Variants in XKR5 observed in about 807,000 individuals in gnomAD.
XKR5 encodes the protein XK related 5, also known as XK-related protein 5.
A neutral mutation model predicts 40.8 loss-of-function variants in XKR5; 46 were observed. The ratio of observed to expected loss-of-function variants is 1.13; its 90% CI spans 0.89 to 1.44. The LOEUF is 1.44. Ranked by LOEUF, XKR5 falls within the 40% of genes most tolerant of loss-of-function variation. The pLI is 0.00. For missense variants in XKR5, 1,169 were observed against 844.7 expected (o/e 1.38, Z -4.76); for synonymous variants, 466 against 356.1 (o/e 1.31, Z -3.48).
rs192043044 is a variant in XKR5 at position 6,820,646 on chromosome 8, C to T, written c.807+1223G>A. On this transcript the variant is annotated intron_variant, in intron 5 of 6. Transcript: ENST00000618742. ...GGAGGCTGCTCATGCATGACCTGGG[C>T]CCTGCCACAAGTGAACCTATCTACA... Among the ~76,000 whole-genome samples, 135 of 152,294 alleles carry T rather than the reference C, an allele frequency of 8.9e-4. No homozygotes were observed. In the Middle Eastern group the frequency reaches 0.017, roughly 19 times the overall value.
chr8:6,812,448 G>A, intron 6 of XKR5, 109 bp from the exon 7 acceptor site: 2 of 1,197,998 alleles, frequency 1.7e-6, no homozygotes, highest in Non-Finnish European at 2.3e-6. Flanking sequence ...GATAATTTGG[G>A]ATCCAAAATA....
rs1406341192 is a variant in XKR5, at chr8:6,810,246, G to GAA, written c.*950_*951dup. The GAA allele has an allele frequency of 6.6e-6, 1 of 152,268 alleles. No individual in the cohort carries two copies. Among genetic ancestry groups the GAA allele is most frequent in the East Asian group, 1.9e-4 (1 of 5,208 alleles). 9.4% of individuals were successfully genotyped at this position (152,268 alleles called of 1,614,324 possible). On this transcript the variant is annotated 3_prime_UTR_variant, in exon 7 of 7. Transcript: ENST00000618742. ...AATCAGCTACAAAGGAAGGCTTAAA[G>GAA]AAATTATGGAAATACCTAGCCACAA...
intron 5 of XKR5, among the ~76,000 whole-genome samples, chr8:6,819,352 G>C (rs1158140796): frequency 6.6e-6 from 1 of 152,216 alleles, no homozygotes; most frequent in Non-Finnish European, 1.5e-5. Context: ...TGCCAGCAGG[G>C]TGCACATCTC....
chr8:6,830,136 C>G (rs2117117208), intron 2 of XKR5, among the ~76,000 whole-genome samples: 1 of 152,316 alleles, frequency 6.6e-6, no homozygotes, highest in East Asian at 1.9e-4. Context: ...CGCGCCAGGC[C>G]TCAATCCTTG....
In XKR5 at chr8:6,825,176, T is replaced by A. The variant is rs939700493; in HGVS notation, c.416A>T (p.Asp139Val). The A allele has an allele frequency of 6.2e-7, 1 of 1,613,444 alleles. No individual in the cohort carries two copies. The highest frequency in any genetic ancestry group is 1.3e-5 in the African/African-American group (1 of 74,992). ...TYVFLASDFTDIVPGVSTLFS... is the reference protein window; with the variant it reads ...TYVFLASDFTVIVPGVSTLFS... ...TGACAGTTACTCACCTGGCACAATA[T>A]CTGTGAAGTCTGAGGCTAGAAAAAC... The change falls in exon 3 of 7, where the codon GAT becomes GTT. Residue 139 changes from aspartate to valine, a missense_variant. Coordinates refer to ENST00000618742, the MANE Select transcript of XKR5 (RefSeq NM_207411.5).
At chr8:6,816,444 A>C (rs1803960541) in intron 5 of XKR5, among the ~76,000 whole-genome samples, 1 of 152,056 alleles carries the variant, frequency 6.6e-6, no homozygotes. Context: ...CAGGCTGACA[A>C]AGGAGCCTGG....
At chr8:6,824,202 A>G (rs1304300818) in intron 3 of XKR5, among the ~76,000 whole-genome samples, 2 of 152,058 alleles carry the variant, frequency 1.3e-5, no homozygotes, top group African/African-American at 2.4e-5. Context: ...ATAAAGATGG[A>G]TGGAAGGACA....
chr8:6,814,466 G>T (rs374568348), intron 6 of XKR5, among the ~76,000 whole-genome samples: 3 of 152,140 alleles, frequency 2.0e-5, no homozygotes, highest in African/African-American at 7.2e-5. Flanking sequence ...TTGCCAGGAG[G>T]GAAGGAGGTG....
In XKR5 at chr8:6,815,798, G is replaced by A. The variant is rs1483085190; in HGVS notation, c.919+9C>T. On this transcript the variant is annotated intron_variant, in intron 6 of 6. Coordinates refer to ENST00000618742, the MANE Select transcript of XKR5 (RefSeq NM_207411.5). ...GGGATGCAGAGAAGAAGGTGACATT[G>A]GGACTTACCAATCAGAAATCCAGAC... 1 of 1,572,760 alleles carries A rather than the reference G, an allele frequency of 6.4e-7. No homozygotes were observed.
At position 6,811,872 on chromosome 8, in the gene XKR5, A is replaced by T; in HGVS notation, c.1387T>A (p.Ser463Thr). The T allele has an allele frequency of 6.5e-7, 1 of 1,537,516 alleles. No individual in the cohort carries two copies. ...AACGCAGAGCTGTTCTCTAAGGTTG[A>T]GGGGTCACGGGATGAGGATGGGAGC... Reference protein sequence around the residue: ...QELPSSSRDPSTLENSSAFEG... With the variant: ...QELPSSSRDPTTLENSSAFEG... The change falls in exon 7 of 7, where the codon TCA (serine) becomes ACA (threonine). Residue 463 changes from serine (S) to threonine (T), a missense_variant. Coordinates refer to ENST00000618742, the MANE Select transcript of XKR5 (RefSeq NM_207411.5).
At chr8:6,826,031 G>T (rs1804460189) in intron 2 of XKR5, among the ~76,000 whole-genome samples, 1 of 152,190 alleles carries the variant, frequency 6.6e-6, no homozygotes, top group Non-Finnish European at 1.5e-5. Flanking sequence ...GAGGTAATAT[G>T]TACTGTCTGG....
chr8:6,831,800 G>C (rs1267785084), intron 2 of XKR5, among the ~76,000 whole-genome samples: 1 of 152,116 alleles, frequency 6.6e-6, no homozygotes, highest in Non-Finnish European at 1.5e-5. Flanking sequence ...CGGATCACGA[G>C]GTCAGGAGAC....
chr8:6,822,170 C>T, intron 4 of XKR5, 132 bp from the exon 5 acceptor site: 2 of 860,370 alleles, frequency 2.3e-6, no homozygotes, highest in Non-Finnish European at 3.4e-6. Context: ...ATATCAAAAC[C>T]CAGAAGAGAT....
chr8:6,811,936 C>A lies in XKR5; in HGVS notation c.1323G>T (p.Gln441His). The A allele has an allele frequency of 1.3e-6, 2 of 1,537,374 alleles. No homozygotes were observed. The highest frequency in any genetic ancestry group is 1.7e-6 in the Non-Finnish European group (2 of 1,146,938). Reference sequence around the variant, plus strand: ...ACAAGGCCTTTCTCTGCAGGTAGTCCTGTTGACTCAACCCCCATGCAGGTG... The same window carrying A: ...ACAAGGCCTTTCTCTGCAGGTAGTCATGTTGACTCAACCCCCATGCAGGTG... ...YCPPAWGLSQ[Q>H]DYLQRKALSA... The change falls in exon 7 of 7, where the codon CAG becomes CAT. Residue 441 changes from glutamine (Q) to histidine (H), a missense_variant. Transcript: ENST00000618742.
intron 5 of XKR5, among the ~76,000 whole-genome samples, chr8:6,817,115 C>A (rs1440874726): frequency 1.3e-5 from 2 of 152,116 alleles, no homozygotes; most frequent in African/African-American, 4.8e-5. Context: ...CCGCCATTTC[C>A]GTGGTTCTGG....
Position 6,812,468 on chromosome 8 carries a change from T to C in XKR5, c.920-129A>G, listed in dbSNP as rs537993427. On this transcript the variant is annotated intron_variant, in intron 6 of 6. Transcript: ENST00000618742. ...TTTGGGATCCAAAATAGGACTCTTGTTGGAGCCTCAGAACTGGATATTTCG... is the reference window on the plus strand; with the variant it reads ...TTTGGGATCCAAAATAGGACTCTTGCTGGAGCCTCAGAACTGGATATTTCG... 44 of 936,254 alleles carry C rather than the reference T, an allele frequency of 4.7e-5. No homozygotes were observed. The African/African-American group carries it at 6.5e-4, about 14-fold the overall frequency. The allele number at this position is 936,254 out of a possible 1,614,324, so 58.0% of individuals were successfully genotyped here.
At position 6,832,842 on chromosome 8, in the gene XKR5, G is replaced by A; in HGVS notation, c.117C>T (p.Ala39=). The A allele has an allele frequency of 6.2e-7, 1 of 1,611,368 alleles. No homozygotes were observed. Among genetic ancestry groups the A allele is most frequent in the Non-Finnish European group, 8.5e-7 (1 of 1,178,968 alleles). ...TTGRLLWGWL[A]LAVLLPGFLV... is the part of the protein sequence containing the mutation. The stretch of plus-strand genomic sequence containing the variant: ...AGAACCCGGGCAGGAGGACAGCAAG[G>A]GCCAGCCACCCCCACAGAAGCCGTC... The change falls in exon 2 of 7, where the codon GCC becomes GCT. Residue 39 remains alanine (A), a synonymous_variant. Coordinates refer to ENST00000618742, the MANE Select transcript of XKR5 (RefSeq NM_207411.5).
At chr8:6,823,484 T>G in intron 4 of XKR5, 37 bp downstream of exon 4, 4 of 1,552,932 alleles carry the variant, frequency 2.6e-6, no homozygotes, top group Non-Finnish European at 3.5e-6. Flanking sequence ...TGATTGGTTA[T>G]GCAGCAACAG....
At position 6,811,291 on chromosome 8, in the gene XKR5, C is replaced by T; in HGVS notation, c.1968G>A (p.Glu656=). The T allele has an allele frequency of 1.3e-6, 2 of 1,537,308 alleles. No homozygotes were observed. The highest frequency in any genetic ancestry group is 1.4e-5 in the African/African-American group (1 of 73,186). The change falls in exon 7 of 7, where the codon GAG becomes GAA. Residue 656 remains glutamate (E), a synonymous_variant. Coordinates refer to ENST00000618742, the MANE Select transcript of XKR5 (RefSeq NM_207411.5). ...VSLPQLRTAH[E]PCLTSTPKSE... is the part of the protein sequence containing the mutation. Reference sequence around the variant, plus strand: ...ACTTAGGGGTGGACGTGAGGCAGGGCTCATGGGCAGTCCTCAGCTGTGGCA... The same window carrying T: ...ACTTAGGGGTGGACGTGAGGCAGGGTTCATGGGCAGTCCTCAGCTGTGGCA...
Sources: allele counts gnomAD v4.1 joint callset (sites outside exome capture counted in the v4.1 genomes callset), GRCh38; gene constraint gnomAD v4.1.1; transcripts MANE v1.5; gene names NCBI Gene and HGNC (gene_info 2026-07-23, HGNC 2026-07-21).